HDAC4: variants seen among roughly 807,000 people sequenced by gnomAD.
HDAC4 encodes the protein histone deacetylase A.
HDAC4 carries 16 observed loss-of-function variants against 135.1 expected under a neutral mutation model. The observed-to-expected ratio is 0.12, with a 90% CI of 0.08 to 0.18. HDAC4 has a LOEUF of 0.18. Among genes scored for constraint, HDAC4 ranks in the 10% least tolerant of loss-of-function variants. The pLI is 1.00. For missense variants in HDAC4, 1,143 were observed against 1,511.8 expected (o/e 0.76, Z 4.05); for synonymous variants, 685 against 653.4 (o/e 1.05, Z -0.74).
At chr2:239,094,708 C>A (rs1246197424) in intron 17 of HDAC4, 9 of 1,247,698 alleles carry the variant, frequency 7.2e-6, no homozygotes, top group Non-Finnish European at 9.2e-6. Flanking sequence ...ATTACTGCCA[C>A]AGACTTCGAA....
intron 1 of HDAC4, among the ~76,000 whole-genome samples, chr2:239,377,069 G>T (rs1005049773): frequency 2.0e-5 from 3 of 152,154 alleles, no homozygotes; most frequent in Non-Finnish European, 4.4e-5. Context: ...GTGCTTCAGA[G>T]ACATCCCCAG....
intron 19 of HDAC4, among the ~76,000 whole-genome samples, chr2:239,085,613 C>A (rs1280311877): frequency 9.2e-5 from 14 of 152,356 alleles, no homozygotes; most frequent in Admixed American, 8.5e-4. Flanking sequence ...GCCTGGTGCC[C>A]AAGTGACTGT....
chr2:239,071,416 A>G (rs2152627485), intron 22 of HDAC4, among the ~76,000 whole-genome samples: 1 of 152,310 alleles, frequency 6.6e-6, no homozygotes, highest in East Asian at 1.9e-4. Context: ...ACTCCACCTC[A>G]GAAAACAAAA....
At chr2:239,315,495 C>T (rs577957465) in intron 2 of HDAC4, among the ~76,000 whole-genome samples, 1 of 152,134 alleles carries the variant, frequency 6.6e-6, no homozygotes, top group African/African-American at 2.4e-5. Context: ...ACCCAGCATG[C>T]CCAACCACAT....
chr2:239,128,885 G>A (rs563274942), intron 11 of HDAC4, among the ~76,000 whole-genome samples: 1 of 152,248 alleles, frequency 6.6e-6, no homozygotes, highest in South Asian at 2.1e-4. Flanking sequence ...AGGAACAAGC[G>A]ACTCGAGCCA....
At chr2:239,119,499 C>T (rs1326127536) in intron 12 of HDAC4, among the ~76,000 whole-genome samples, 1 of 151,876 alleles carries the variant, frequency 6.6e-6, no homozygotes, top group South Asian at 2.1e-4. Flanking sequence ...GAGCTCAGGG[C>T]TGAGGGCGCG....
chr2:239,397,183 C>T (rs1696617494), intron 1 of HDAC4, among the ~76,000 whole-genome samples: 1 of 152,238 alleles, frequency 6.6e-6, no homozygotes, highest in African/African-American at 2.4e-5. Flanking sequence ...ACTTCAGCTT[C>T]AAGGTCACCA....
At chr2:239,130,796 G>A (rs1415847831) in intron 11 of HDAC4, among the ~76,000 whole-genome samples, 3 of 152,172 alleles carry the variant, frequency 2.0e-5, no homozygotes, top group Non-Finnish European at 2.9e-5. Context: ...TGGGTCTTGG[G>A]GGGCCCTGTC....
intron 1 of HDAC4, among the ~76,000 whole-genome samples, chr2:239,368,377 C>T (rs996727326): frequency 6.6e-6 from 1 of 152,216 alleles, no homozygotes; most frequent in Admixed American, 6.5e-5. Flanking sequence ...AATGCACCGT[C>T]CAAAGCACAG....
rs895596430 is a variant in HDAC4, at chr2:239,308,969, G to A, written c.22+43709C>T. On this transcript the variant is annotated intron_variant, in intron 2 of 26. Transcript: ENST00000543185. This position sits in a 1 kb window ranked among gnomAD's most constrained non-coding sequence, Gnocchi z 4.2. ...GAGGCTGAGTTCAAACATTCTAAACGGATTCTTGATAACAAGCCGCCGGCT... is the reference window on the plus strand; with the variant it reads ...GAGGCTGAGTTCAAACATTCTAAACAGATTCTTGATAACAAGCCGCCGGCT... The A allele has an allele frequency of 4.6e-5, 7 of 152,136 alleles. No homozygotes were observed. The highest frequency in any genetic ancestry group is 1.4e-4 in the African/African-American group (6 of 41,424). The allele number at this position is 152,136 out of a possible 1,614,324, so 9.4% of individuals were successfully genotyped here. A position where few individuals can be genotyped will look rare whatever the true frequency, so the allele number is the denominator to read the frequency against.
chr2:239,102,730 G>T (rs1160863422), intron 16 of HDAC4, 46 bp downstream of exon 16: 1 of 1,611,076 alleles, frequency 6.2e-7, no homozygotes, highest in Non-Finnish European at 8.5e-7. Flanking sequence ...CACAACCTCA[G>T]GGGACTTCAA....
intron 2 of HDAC4, among the ~76,000 whole-genome samples, chr2:239,276,221 G>C (rs1011663360): frequency 1.3e-5 from 2 of 152,246 alleles, no homozygotes; most frequent in African/African-American, 4.8e-5. Context: ...CAGTCTTACA[G>C]AGGCAGGGAG....
chr2:239,147,924 T>C (rs955267130), intron 7 of HDAC4, among the ~76,000 whole-genome samples: 6 of 152,200 alleles, frequency 3.9e-5, no homozygotes, highest in African/African-American at 1.2e-4. Flanking sequence ...TCCTCCAACT[T>C]AAACATCCTG....
chr2:239,273,952 C>T (rs1559312826), intron 2 of HDAC4, among the ~76,000 whole-genome samples: 1 of 152,176 alleles, frequency 6.6e-6, no homozygotes, highest in African/African-American at 2.4e-5. Flanking sequence ...GATGGATTCA[C>T]GTGTTGATGT....
At chr2:239,237,591 A>AC (rs1296175322) in intron 2 of HDAC4, among the ~76,000 whole-genome samples, 1 of 151,946 alleles carries the variant, frequency 6.6e-6, no homozygotes, top group African/African-American at 2.4e-5. Context: ...AAAAAAAAAA[A>AC]ACCCATTTTT....
intron 1 of HDAC4, among the ~76,000 whole-genome samples, chr2:239,373,317 C>T (rs772532675): frequency 3.3e-5 from 5 of 152,162 alleles, no homozygotes; most frequent in Non-Finnish European, 7.4e-5. Context: ...GCTGACTTTT[C>T]TGGGCATCTC....
chr2:239,346,164 ACTGTCTAAAACACACACACC>A (rs1473601340), intron 2 of HDAC4, among the ~76,000 whole-genome samples: 5 of 151,428 alleles, frequency 3.3e-5, no homozygotes, highest in African/African-American at 1.2e-4. Flanking sequence ...CCCAACACAC[ACTGTCTAAAACACACACACC>A]CTGTCTAAAA....
chr2:239,066,045 C>G (rs953179477), intron 24 of HDAC4, among the ~76,000 whole-genome samples: 2 of 152,246 alleles, frequency 1.3e-5, no homozygotes, highest in Non-Finnish European at 1.5e-5. Flanking sequence ...TCCCATCTCA[C>G]TGGCCCACGC....
intron 24 of HDAC4, among the ~76,000 whole-genome samples, chr2:239,055,576 G>A (rs1253801393): frequency 1.3e-5 from 2 of 152,100 alleles, no homozygotes; most frequent in Non-Finnish European, 2.9e-5. Context: ...ACTTAGCCAG[G>A]TATGGCGGTG....
Sources: gnomAD v4.1 joint callset for allele counts (sites outside exome capture counted in the v4.1 genomes callset) on GRCh38, gnomAD v4.1.1 for gene constraint, Gnocchi (gnomAD v3.1) non-coding constraint, MANE v1.5 for transcripts, NCBI Gene and HGNC (gene_info 2026-07-23, HGNC 2026-07-21) for gene names.